The following MTTP variants were observed in gnomAD, a reference collection of about 807,000 sequenced individuals.
MTTP encodes microsomal triglyceride transfer protein.
Under a neutral mutation model 90.6 loss-of-function variants are expected in MTTP, and 49 were observed. The observed-to-expected ratio is 0.54, with a 90% confidence interval of 0.43 to 0.69. The LOEUF is 0.69. Among genes scored for constraint, MTTP ranks in the 30% least tolerant of loss-of-function variants. The pLI, the probability that MTTP is intolerant of heterozygous loss-of-function variation, is 0.00. For missense variants in MTTP, 945 were observed against 1,067.5 expected, an observed-to-expected ratio of 0.89 and a Z score of 1.60; for synonymous variants, 347 against 384.2, an observed-to-expected ratio of 0.90 and a Z score of 1.13.
Position 99,594,816 on chromosome 4 carries a change from A to C in MTTP, c.842A>C (p.Asp281Ala). ...GCTGCAGCCATAATCAAAGCAGTTG[A>C]TTCAAAGTACACGGCCATTCCCATT... is the stretch of plus-strand genomic sequence containing the variant. Reference protein sequence around the residue: ...KQAAAIIKAVDSKYTAIPIVG... With the variant: ...KQAAAIIKAVASKYTAIPIVG... Residue 281 changes from aspartate to alanine, a missense_variant, in exon 7 of 18, where the codon GAT (aspartate) becomes GCT (alanine). Coordinates refer to ENST00000265517, the MANE Select transcript of MTTP (RefSeq NM_001386140.1). 2 of 1,614,086 alleles carry C rather than the reference A, an allele frequency of 1.2e-6. No individual in the cohort carries two copies. Among genetic ancestry groups the C allele is most frequent in the East Asian group, 4.5e-5 (2 of 44,876 alleles).
chr4:99,566,182 C>T (rs577209917), intron 1 of MTTP, among the ~76,000 whole-genome samples: 265 of 150,618 alleles, frequency 1.8e-3, no homozygotes, highest in African/African-American at 6.2e-3. Context: ...CCGTCTACTC[C>T]GGAGGCTGAG....
chr4:99,591,404 G>A, intron 5 of MTTP, 53 bp downstream of exon 5: 5 of 1,345,044 alleles, frequency 3.7e-6, no homozygotes, highest in Non-Finnish European at 5.3e-6. Flanking sequence ...ATTTTGTAGA[G>A]ACTAATTTAA....
At position 99,623,133 on chromosome 4, in the gene MTTP, G is replaced by C. The variant is rs1194515205; in HGVS notation, c.*285G>C. Reference sequence around the variant, plus strand: ...CAGTCAGAATAGTTATTCTCTAAGAGGAAACTAGTGTTTGTTAAAAACAAA... The same window carrying C: ...CAGTCAGAATAGTTATTCTCTAAGACGAAACTAGTGTTTGTTAAAAACAAA... On this transcript the variant is annotated 3_prime_UTR_variant, in exon 18 of 18. Coordinates refer to ENST00000265517, the MANE Select transcript of MTTP (RefSeq NM_001386140.1). 6.9e-6 allele frequency: 3 copies of C among 435,918 alleles called. No homozygotes were observed. Among genetic ancestry groups the C allele is most frequent in the Non-Finnish European group, 1.3e-5 (3 of 237,214 alleles). 27.0% of individuals were successfully genotyped at this position (435,918 alleles called of 1,614,324 possible).
chr4:99,584,455 A>G (rs1725207762), intron 3 of MTTP, among the ~76,000 whole-genome samples: 1 of 152,170 alleles, frequency 6.6e-6, no homozygotes. Flanking sequence ...GAAAACAAAT[A>G]CTTTGGACAT....
In MTTP at chr4:99,569,141, TATTATGTACC is replaced by T. The variant is rs572942066; in HGVS notation, c.-102+4905_-102+4914del. Reference sequence around the variant, plus strand: ...TGTAAATAGAGATAAATCATGTTGATATTATGTACCTCTGATGTAATGTGGTATCAAGAAA... The same window carrying T: ...TGTAAATAGAGATAAATCATGTTGATTCTGATGTAATGTGGTATCAAGAAA... On this transcript the variant is annotated intron_variant, in intron 1 of 18. Transcript: ENST00000457717. Among the ~76,000 whole-genome samples the T allele has an allele frequency of 8.5e-5, 13 of 152,268 alleles. No individual in the cohort carries two copies. In the South Asian group the frequency reaches 1.7e-3, roughly 19 times the overall value.
chr4:99,574,228 C>A (rs1373309804), upstream of MTTP, among the ~76,000 whole-genome samples: 1 of 152,156 alleles, frequency 6.6e-6, no homozygotes, highest in Admixed American at 6.5e-5. Context: ...TAATGACAGA[C>A]AATGCTGATT....
chr4:99,619,121 T>A (rs1247380917), intron 16 of MTTP, 23 bp downstream of exon 16: 1 of 1,597,292 alleles, frequency 6.3e-7, no homozygotes, highest in Non-Finnish European at 8.6e-7. Flanking sequence ...GCATTATACA[T>A]TTATGAATTA....
chr4:99,572,829 G>C (rs1378053983), upstream of MTTP, among the ~76,000 whole-genome samples: 5 of 152,036 alleles, frequency 3.3e-5, no homozygotes, highest in Non-Finnish European at 5.9e-5. Context: ...CATCTGTAAT[G>C]AAACAATCTC....
At position 99,591,313 on chromosome 4, in the gene MTTP, T is replaced by C. The variant is rs1725413590; in HGVS notation, c.580T>C (p.Cys194Arg). Residue 194 changes from cysteine to arginine, a missense_variant, in exon 5 of 18, where the codon TGC becomes CGC. Cys to Arg is a radical substitution (Grantham distance 180). Coordinates refer to ENST00000265517, the MANE Select transcript of MTTP (RefSeq NM_001386140.1). ...GATCAAAATTAAGGCCTTGGATTCA[T>C]GCAAAATAGCGAGGTCTGGATTTAC... ...KVIKIKALDS[C>R]KIARSGFTTP... is the part of the protein sequence containing the mutation. 6.2e-7 allele frequency: 1 copy of C among 1,614,032 alleles called. No individual in the cohort carries two copies. The highest frequency in any genetic ancestry group is 8.5e-7 in the Non-Finnish European group (1 of 1,179,890).
chr4:99,583,148 A>G (rs1725168818), intron 2 of MTTP, among the ~76,000 whole-genome samples: 1 of 152,138 alleles, frequency 6.6e-6, no homozygotes, highest in African/African-American at 2.4e-5. Context: ...AAAGTCACAG[A>G]GTTCTTTAAG....
At chr4:99,592,605 A>G (rs1404811585) in intron 6 of MTTP, among the ~76,000 whole-genome samples, 8 of 152,006 alleles carry the variant, frequency 5.3e-5, no homozygotes, top group Non-Finnish European at 1.2e-4. Context: ...ACACAAGGTC[A>G]GGATCATCAA....
intron 2 of MTTP, among the ~76,000 whole-genome samples, chr4:99,582,335 A>G (rs1725140796): frequency 6.6e-6 from 1 of 152,232 alleles, no homozygotes; most frequent in Admixed American, 6.5e-5. Context: ...ATGGTGTTCA[A>G]TTCTATAGAT....
chr4:99,586,586 T>G (rs1214851918), intron 3 of MTTP, among the ~76,000 whole-genome samples: 1 of 152,186 alleles, frequency 6.6e-6, no homozygotes, highest in African/African-American at 2.4e-5. Context: ...TATATTTCTT[T>G]ACTTGTTTGT....
rs753482216 is a variant in MTTP, at chr4:99,611,130, T to C, written c.1770-13T>C. On this transcript the variant is annotated splice_polypyrimidine_tract_variant and intron_variant, in intron 12 of 17. Coordinates refer to ENST00000265517, the MANE Select transcript of MTTP (RefSeq NM_001386140.1). ...AATGAATGTGCAGCTTTTTTTTTCCTCATATGTTGCAGCAAAATTGTCCGT... is the reference window on the plus strand; with the variant it reads ...AATGAATGTGCAGCTTTTTTTTTCCCCATATGTTGCAGCAAAATTGTCCGT... The C allele has an allele frequency of 1.9e-6, 3 of 1,610,516 alleles. No individual in the cohort carries two copies. The highest frequency in any genetic ancestry group is 2.5e-6 in the Non-Finnish European group (3 of 1,176,878).
chr4:99,623,270 G>T lies in MTTP; in HGVS notation c.*422G>T. 1 of 141,982 alleles carries T rather than the reference G, an allele frequency of 7.0e-6. No homozygotes were observed. Among genetic ancestry groups the T allele is most frequent in the Admixed American group, 7.3e-5 (1 of 13,782 alleles). 8.8% of individuals were successfully genotyped at this position (141,982 alleles called of 1,614,324 possible). The stretch of plus-strand genomic sequence containing the variant: ...TAAGCATGACGGGAAAACCAAACAC[G>T]TTCCCTAATCAGGAAAAAAAAAAAA... On this transcript the variant is annotated 3_prime_UTR_variant, in exon 18 of 18. Transcript: ENST00000265517.
rs1725828970 is a variant in MTTP, at chr4:99,606,828, G to A, written c.1425G>A (p.Leu475=). Residue 475 remains leucine (L), a synonymous_variant, in exon 11 of 18, where the codon CTG becomes CTA. Coordinates refer to ENST00000265517, the MANE Select transcript of MTTP (RefSeq NM_001386140.1). The part of the protein sequence containing the change: ...EKKEDTRMYL[L]ALKNALLPEG... ...AAGAGGACACCAGGATGTATCTGCT[G>A]GCTTTGAAGAATGCCCTGCTTCCAG... is the stretch of plus-strand genomic sequence containing the variant. The A allele has an allele frequency of 6.2e-7, 1 of 1,614,004 alleles. No homozygotes were observed. Among genetic ancestry groups the A allele is most frequent in the African/African-American group, 1.3e-5 (1 of 74,910 alleles).
intron 6 of MTTP, 67 bp from the exon 7 acceptor site, chr4:99,594,666 G>A (rs1725506567): frequency 1.3e-6 from 2 of 1,573,226 alleles, no homozygotes; most frequent in Non-Finnish European, 1.7e-6. Context: ...CCAAAAGAAT[G>A]GCAATTAGTA....
chr4:99,582,669 C>T (rs1214395345), intron 2 of MTTP, among the ~76,000 whole-genome samples: 1 of 152,088 alleles, frequency 6.6e-6, no homozygotes, highest in East Asian at 1.9e-4. Context: ...TGGTGATTCC[C>T]TTATTTGCTT....
chr4:99,605,125 G>A (rs1034362949), intron 10 of MTTP, among the ~76,000 whole-genome samples: 1 of 151,930 alleles, frequency 6.6e-6, no homozygotes, highest in Non-Finnish European at 1.5e-5. Context: ...ATGTGAAATA[G>A]TAATGTGGTT....
Sources: gnomAD v4.1 joint callset for allele counts (sites outside exome capture counted in the v4.1 genomes callset) on GRCh38, gnomAD v4.1.1 for gene constraint, MANE v1.5 for transcripts, NCBI Gene and HGNC (gene_info 2026-07-23, HGNC 2026-07-21) for gene names.